MTR: variants seen among roughly 807,000 people sequenced by gnomAD.
The protein encoded by MTR is 5-methyltetrahydrofolate-homocysteine methyltransferase.
Under a neutral mutation model 154.8 loss-of-function variants are expected in MTR, and 84 were observed. The ratio of observed to expected loss-of-function variants is 0.54; its 90% CI spans 0.45 to 0.65. The LOEUF is 0.65. MTR is among the 30% of genes least tolerant of loss of function. The pLI is 0.00. For missense variants in MTR, 1,275 were observed against 1,570.2 expected (o/e 0.81, Z 3.18); for synonymous variants, 554 against 553.9 (o/e 1.00, Z 0.00).
intron 30 of MTR, 57 bp from the exon 31 acceptor site, chr1:236,895,301 A>G (rs967263419): frequency 1.9e-6 from 3 of 1,540,024 alleles, no homozygotes; most frequent in Non-Finnish European, 2.6e-6. Context: ...TGGAGGCTGC[A>G]CTGATGCTGT....
rs1420088872 is a variant in MTR at position 236,850,543 on chromosome 1, C to T, written c.1695+20C>T. 1 of 1,610,082 alleles carries T rather than the reference C, an allele frequency of 6.2e-7. No homozygotes were observed. The highest frequency in any genetic ancestry group is 8.5e-7 in the Non-Finnish European group (1 of 1,176,666). ...ATTAAAGTAAGTGTAGGCATGTTCT[C>T]TCCCAAGTCATGGCTCAAATTTGTC... On this transcript the variant is annotated intron_variant, in intron 16 of 32. Coordinates refer to ENST00000366577, the MANE Select transcript of MTR (RefSeq NM_000254.3).
At chr1:236,847,464 G>A (rs1663648628) in intron 15 of MTR, among the ~76,000 whole-genome samples, 1 of 152,178 alleles carries the variant, frequency 6.6e-6, no homozygotes, top group Admixed American at 6.5e-5. Context: ...CAGAATCTGA[G>A]CCATGAGCTT....
intron 20 of MTR, among the ~76,000 whole-genome samples, chr1:236,861,492 A>G (rs549474469): frequency 2.6e-5 from 4 of 152,290 alleles, no homozygotes; most frequent in South Asian, 2.1e-4. Flanking sequence ...TCTTAGCATC[A>G]TAATCTATCA....
rs1666647280 is a variant in MTR at position 236,896,777 on chromosome 1, T to TC, written c.3599-224dup. 4.0e-5 allele frequency among the ~76,000 whole-genome samples: 6 copies of TC among 151,888 alleles called. No homozygotes were observed. The South Asian group carries it at 1.2e-3, about 32-fold the overall frequency. ...GAGTGTAGAGTCTTTCCCAGGCCTG[T>TC]CCCCCTGGGTTAGAGGAGATCTGCA... On this transcript the variant is annotated intron_variant, in intron 31 of 32. Coordinates refer to ENST00000366577, the MANE Select transcript of MTR (RefSeq NM_000254.3).
intron 1 of MTR, among the ~76,000 whole-genome samples, chr1:236,797,951 T>G (rs1352349844): frequency 7.0e-6 from 1 of 142,212 alleles, no homozygotes; most frequent in South Asian, 2.2e-4. Flanking sequence ...GAGTGAGACT[T>G]AGTCTCCAAA....
At chr1:236,811,966 C>T (rs1398731570) in intron 5 of MTR, among the ~76,000 whole-genome samples, 2 of 152,202 alleles carry the variant, frequency 1.3e-5, no homozygotes, top group Non-Finnish European at 2.9e-5. Flanking sequence ...CTGCAGCCTC[C>T]ACCTCCTGGG....
chr1:236,859,782 G>GT (rs1489276501), intron 18 of MTR, 51 bp from the exon 19 acceptor site: 1 of 1,420,516 alleles, frequency 7.0e-7, no homozygotes, highest in South Asian at 1.1e-5. Context: ...CCATCAAACA[G>GT]TTTGGTTAGT....
At chr1:236,870,687 C>T (rs1665078145) in intron 22 of MTR, among the ~76,000 whole-genome samples, 2 of 152,170 alleles carry the variant, frequency 1.3e-5, no homozygotes, top group Non-Finnish European at 1.5e-5. Flanking sequence ...GGATCTCTCC[C>T]CCAGACTTTA....
chr1:236,852,480 C>CA, intron 16 of MTR, 41 bp from the exon 17 acceptor site: 1 of 1,504,286 alleles, frequency 6.6e-7, no homozygotes, highest in Non-Finnish European at 9.2e-7. Flanking sequence ...CTGTTTTTGG[C>CA]AAAAAAGGGG....
At chr1:236,823,107 A>G (rs998237431) in intron 8 of MTR, among the ~76,000 whole-genome samples, 3 of 152,196 alleles carry the variant, frequency 2.0e-5, no homozygotes, top group Non-Finnish European at 4.4e-5. Context: ...AGTTGCAAAG[A>G]TAGTGCAGAG....
chr1:236,823,127 A>G (rs1251417369), intron 8 of MTR, among the ~76,000 whole-genome samples: 5 of 152,214 alleles, frequency 3.3e-5, no homozygotes, highest in Non-Finnish European at 5.9e-5. Flanking sequence ...GAATTTCTAT[A>G]TATTCTAGTT....
intron 13 of MTR, among the ~76,000 whole-genome samples, chr1:236,834,973 T>A (rs1662821428): frequency 6.6e-6 from 1 of 152,220 alleles, no homozygotes; most frequent in Non-Finnish European, 1.5e-5. Flanking sequence ...ACATTTCTTT[T>A]CATGTAACTT....
At chr1:236,804,590 CATTT>C (rs1397535825) in intron 2 of MTR, among the ~76,000 whole-genome samples, 6 of 152,134 alleles carry the variant, frequency 3.9e-5, no homozygotes, top group African/African-American at 9.7e-5. Flanking sequence ...TATATATCAT[CATTT>C]ATTTAACTAA....
At chr1:236,815,501 T>C in intron 6 of MTR, 103 bp from the exon 7 acceptor site, 1 of 1,125,648 alleles carries the variant, frequency 8.9e-7, no homozygotes, top group East Asian at 2.4e-5. Context: ...ATGTATATCT[T>C]ATCTGAAGAG....
At chr1:236,806,344 A>T in intron 3 of MTR, 111 bp downstream of exon 3, 1 of 855,932 alleles carries the variant, frequency 1.2e-6, no homozygotes, top group Non-Finnish European at 2.0e-6. Flanking sequence ...ATGCCTAGTT[A>T]TCTGTTGTTT....
chr1:236,877,117 G>C (rs945658945), intron 24 of MTR, among the ~76,000 whole-genome samples: 7 of 152,168 alleles, frequency 4.6e-5, no homozygotes, highest in African/African-American at 1.7e-4. Flanking sequence ...ACAGCCTTTG[G>C]AAAACAGATT....
rs778242201 is a variant in MTR at position 236,852,638 on chromosome 1, G to A, written c.1812+1G>A. On this transcript the variant is annotated splice_donor_variant, in intron 17 of 32. Transcript: ENST00000366577. LOFTEE classifies it high-confidence loss of function. ...GGTTTTCCTTTACCATGCAATCAAG[G>A]TATGGTAGAAGAACTCTTAGCCCTG... 6 of 1,612,022 alleles carry A rather than the reference G, an allele frequency of 3.7e-6. No individual in the cohort carries two copies. Among genetic ancestry groups the A allele is most frequent in the African/African-American group, 1.3e-5 (1 of 74,864 alleles).
At chr1:236,816,324 G>T in intron 7 of MTR, 125 bp from the exon 8 acceptor site, 1 of 827,656 alleles carries the variant, frequency 1.2e-6, no homozygotes. Context: ...CTTTGAATTT[G>T]AGTTCCACAT....
At chr1:236,837,359 G>A (rs1367823256) in intron 14 of MTR, among the ~76,000 whole-genome samples, 1 of 152,168 alleles carries the variant, frequency 6.6e-6, no homozygotes, top group East Asian at 1.9e-4. Context: ...CCTGCCCTGG[G>A]AAGCTTTCCC....
Sources: allele counts gnomAD v4.1 joint callset (sites outside exome capture counted in the v4.1 genomes callset), GRCh38; gene constraint gnomAD v4.1.1; transcripts MANE v1.5; gene names NCBI Gene and HGNC (gene_info 2026-07-23, HGNC 2026-07-21).